The following YBX1 variants were observed in gnomAD, a reference collection of about 807,000 sequenced individuals.
YBX1 encodes Y-box binding protein 1.
A neutral mutation model predicts 41.4 loss-of-function variants in YBX1; 3 were observed. The ratio of observed to expected loss-of-function variants is 0.07; its 90% CI spans 0.03 to 0.19. The LOEUF (loss-of-function observed/expected upper bound fraction) is 0.19, where lower values mean the gene tolerates loss of function less well. YBX1 is among the 10% of genes least tolerant of loss of function. The probability of loss-of-function intolerance (pLI) is 1.00; values close to 1 mark genes in which losing one functional copy is unlikely to be tolerated. For missense variants in YBX1, 274 were observed against 462.8 expected (o/e 0.59, Z 3.74); for synonymous variants, 133 against 165.8 (o/e 0.80, Z 1.52).
intron 3 of YBX1, 149 bp downstream of exon 3, chr1:42,693,672 T>C: frequency 6.9e-6 from 5 of 726,516 alleles, no homozygotes; most frequent in Non-Finnish European, 8.9e-6. Context: ...TGCTTAAAAA[T>C]GTATACGTGG....
chr1:42,701,625 A>G (rs1435846910), intron 7 of YBX1, among the ~76,000 whole-genome samples: 1 of 151,622 alleles, frequency 6.6e-6, no homozygotes, highest in Non-Finnish European at 1.5e-5. Context: ...ATCATGGTTT[A>G]TTTAAACTGC....
At position 42,696,518 on chromosome 1, in the gene YBX1, C is replaced by G; in HGVS notation, c.355-124C>G. 2.8e-6 allele frequency: 2 copies of G among 717,220 alleles called. No individual in the cohort carries two copies. Among genetic ancestry groups the G allele is most frequent in the Non-Finnish European group, 4.4e-6 (2 of 452,618 alleles). The allele number at this position is 717,220 out of a possible 1,614,324, so 44.4% of individuals were successfully genotyped here. On this transcript the variant is annotated intron_variant, in intron 4 of 7. Coordinates refer to ENST00000321358, the MANE Select transcript of YBX1 (RefSeq NM_004559.5). This position sits in a 1 kb window ranked among gnomAD's most constrained non-coding sequence, Gnocchi z 5.7. ...CCCTGGTCACGCAGTTGCGCCCCCC[C>G]CCCCTTTTTTTTCCTTAACTTTGTT...
At chr1:42,683,534 G>T in intron 2 of YBX1, 68 bp downstream of exon 2, 2 of 1,582,546 alleles carry the variant, frequency 1.3e-6, no homozygotes, top group Non-Finnish European at 1.7e-6. Flanking sequence ...CGGCTTCTCG[G>T]GGCTTGGGAA....
intron 2 of YBX1, among the ~76,000 whole-genome samples, chr1:42,687,145 G>T (rs536219716): frequency 6.6e-6 from 1 of 152,276 alleles, no homozygotes; most frequent in South Asian, 2.1e-4. Context: ...TTAGCATGTA[G>T]GTCAGCTATA....
chr1:42,702,820 A>G lies in YBX1; in HGVS notation c.*871A>G, dbSNP rs1215158279. The stretch of plus-strand genomic sequence containing the variant: ...TGGTTCAGCTCCTTATGTCCTAGAG[A>G]TGGAAACAAGTAATATAAAACCCAT... On this transcript the variant is annotated 3_prime_UTR_variant, in exon 8 of 8. Transcript: ENST00000321358. 6.6e-6 allele frequency among the ~76,000 whole-genome samples: 1 copy of G among 152,180 alleles called. No individual in the cohort carries two copies. The highest frequency in any genetic ancestry group is 2.4e-5 in the African/African-American group (1 of 41,448).
At chr1:42,699,784 A>C (rs1650549727) in intron 6 of YBX1, among the ~76,000 whole-genome samples, 1 of 152,110 alleles carries the variant, frequency 6.6e-6, no homozygotes, top group African/African-American at 2.4e-5. Flanking sequence ...TCGCTGTATT[A>C]CAGGTCCTAG....
intron 2 of YBX1, among the ~76,000 whole-genome samples, chr1:42,688,329 A>G (rs2148736569): frequency 6.6e-6 from 1 of 152,332 alleles, no homozygotes; most frequent in East Asian, 1.9e-4. Flanking sequence ...ATCCCCCAAA[A>G]TAAGGAAAAG....
chr1:42,684,525 T>C (rs1245116013), intron 2 of YBX1, among the ~76,000 whole-genome samples: 1 of 152,226 alleles, frequency 6.6e-6, no homozygotes, highest in African/African-American at 2.4e-5. Context: ...AAGGACAGAA[T>C]CATTGCCTGA....
intron 2 of YBX1, among the ~76,000 whole-genome samples, chr1:42,691,715 A>C (rs1346136618): frequency 6.6e-6 from 1 of 152,226 alleles, no homozygotes; most frequent in Admixed American, 6.5e-5. Flanking sequence ...TTTAATGCGT[A>C]TTAAAACAGT....
intron 6 of YBX1, among the ~76,000 whole-genome samples, chr1:42,698,120 T>TA (rs1650505761): frequency 6.6e-6 from 1 of 152,240 alleles, no homozygotes; most frequent in African/African-American, 2.4e-5. Flanking sequence ...GTATCCAACA[T>TA]ATCCAAAATA....
intron 2 of YBX1, among the ~76,000 whole-genome samples, chr1:42,688,037 C>T (rs1246156461): frequency 6.6e-6 from 1 of 152,112 alleles, no homozygotes; most frequent in African/African-American, 2.4e-5. Context: ...TTATATTAAC[C>T]ATTGATCTTA....
At chr1:42,694,697 A>G (rs916840876) in intron 3 of YBX1, among the ~76,000 whole-genome samples, 1 of 152,248 alleles carries the variant, frequency 6.6e-6, no homozygotes, top group East Asian at 1.9e-4. Context: ...GTCAAATGTA[A>G]TTATGGAATC....
At chr1:42,690,341 TAACAA>T (rs1024037208) in intron 2 of YBX1, among the ~76,000 whole-genome samples, 1 of 152,084 alleles carries the variant, frequency 6.6e-6, no homozygotes, top group African/African-American at 2.4e-5. Flanking sequence ...TCCATTTTCT[TAACAA>T]TAGAAAGTGA....
At chr1:42,684,468 T>A (rs1413667607) in intron 2 of YBX1, among the ~76,000 whole-genome samples, 2 of 152,166 alleles carry the variant, frequency 1.3e-5, no homozygotes. Context: ...AAGCAGATGA[T>A]TAAAAGAACA....
chr1:42,688,235 A>AT (rs1035318935), intron 2 of YBX1, among the ~76,000 whole-genome samples: 12 of 152,140 alleles, frequency 7.9e-5, no homozygotes, highest in Admixed American at 3.9e-4. Flanking sequence ...TTACACACAG[A>AT]TTTTTTTTGA....
chr1:42,684,707 A>C (rs1423650345), intron 2 of YBX1, among the ~76,000 whole-genome samples: 1 of 152,188 alleles, frequency 6.6e-6, no homozygotes, highest in African/African-American at 2.4e-5. Context: ...TGGCTGGCCG[A>C]AACTACGTTT....
rs959218016 is a variant in YBX1, at chr1:42,702,794, T to C, written c.*845T>C. Among the ~76,000 whole-genome samples, 2 of 152,216 alleles carry C rather than the reference T, an allele frequency of 1.3e-5. No individual in the cohort carries two copies. The highest frequency in any genetic ancestry group is 2.9e-5 in the Non-Finnish European group (2 of 68,038). ...CACTGCCTGGTGTGGTCATCAAATA[T>C]TGGTTCAGCTCCTTATGTCCTAGAG... On this transcript the variant is annotated 3_prime_UTR_variant, in exon 8 of 8. Transcript: ENST00000321358.
In YBX1 at chr1:42,682,502, T is replaced by A; in HGVS notation, c.-64T>A. 1 of 1,373,656 alleles carries A rather than the reference T, an allele frequency of 7.3e-7. No homozygotes were observed. Among genetic ancestry groups the A allele is most frequent in the Non-Finnish European group, 9.4e-7 (1 of 1,067,074 alleles). The allele number at this position is 1,373,656 out of a possible 1,614,324, so 85.1% of individuals were successfully genotyped here. ...GCCCCACCGCCGCCGCCGGCCTAGT[T>A]ACCATCACACCCCGGGAGGAGCCGC... On this transcript the variant is annotated 5_prime_UTR_variant, in exon 1 of 8. Coordinates refer to ENST00000321358, the MANE Select transcript of YBX1 (RefSeq NM_004559.5).
In YBX1 at chr1:42,696,727, G is replaced by A. The variant is rs1650468878; in HGVS notation, c.440G>A (p.Arg147His). Residue 147 changes from arginine to histidine, a missense_variant, in exon 5 of 8, where the codon CGC (arginine) becomes CAC (histidine). By Grantham distance (29) the Arg-to-His change is conservative. Coordinates refer to ENST00000321358, the MANE Select transcript of YBX1 (RefSeq NM_004559.5). The surrounding 1 kb of genome is among the most constrained non-coding windows in gnomAD (Gnocchi z 5.7). ...GCAGCAGACCGTAACCATTATAGAC[G>A]CTATCCACGTCGTAGGGGTCCTCCA... ...KYAADRNHYR[R>H]YPRRRGPPRN... 2 of 1,613,684 alleles carry A rather than the reference G, an allele frequency of 1.2e-6. No individual in the cohort carries two copies. The highest frequency in any genetic ancestry group is 1.7e-6 in the Non-Finnish European group (2 of 1,179,776).
Sources: allele counts gnomAD v4.1 joint callset (sites outside exome capture counted in the v4.1 genomes callset), GRCh38; gene constraint gnomAD v4.1.1; non-coding constraint Gnocchi (gnomAD v3.1); transcripts MANE v1.5; gene names NCBI Gene and HGNC (gene_info 2026-07-23, HGNC 2026-07-21).